Variants in BORCS5 observed in about 807,000 individuals in gnomAD.
BORCS5 encodes the protein BLOC-1-related complex subunit 5.
BORCS5 carries 17 observed loss-of-function variants against 22.1 expected under a neutral mutation model. The observed-to-expected ratio is 0.77, with a 90% CI of 0.53 to 1.15. BORCS5 has a LOEUF of 1.15. BORCS5 is among the 50% of genes most tolerant of loss of function. The pLI is 0.00. For synonymous variants in BORCS5, 117 were observed against 99.8 expected (o/e 1.17, Z -1.03); for missense variants, 247 against 253.2 (o/e 0.98, Z 0.17).
At chr12:12,461,161 C>CTTT (rs35299390) in intron 3 of BORCS5, among the ~76,000 whole-genome samples, 6 of 134,198 alleles carry the variant, frequency 4.5e-5, no homozygotes, top group African/African-American at 1.4e-4. Context: ...TTATTGCATT[C>CTTT]TTTTTTTTTT....
At chr12:12,375,601 A>G (rs1349093935) in intron 2 of BORCS5, among the ~76,000 whole-genome samples, 1 of 152,170 alleles carries the variant, frequency 6.6e-6, no homozygotes, top group Non-Finnish European at 1.5e-5. Flanking sequence ...CATGGGCAAC[A>G]GAGTGAGACC....
chr12:12,431,724 A>G lies in BORCS5; in HGVS notation c.203-3904A>G, dbSNP rs547640168. 7.6e-3 allele frequency among the ~76,000 whole-genome samples: 443 copies of G among 58,078 alleles called. 1 individual carries two copies. The highest frequency in any genetic ancestry group is 0.045 in the African/African-American group (420 of 9,358). 38.1% of individuals were successfully genotyped at this position (58,078 alleles called of 152,430 possible). A position where few individuals can be genotyped will look rare whatever the true frequency, so the allele number is the denominator to read the frequency against. On this transcript the variant is annotated intron_variant, in intron 2 of 3. Transcript: ENST00000314565. ...CCTTTTGCTAGTTTTTAATTTGCCA[A>G]TTTCTTTTCTTGTTTTTTTAGAGAT...
At chr12:12,463,480 G>C (rs1943147895) in intron 3 of BORCS5, among the ~76,000 whole-genome samples, 1 of 152,214 alleles carries the variant, frequency 6.6e-6, no homozygotes, top group Non-Finnish European at 1.5e-5. Flanking sequence ...CAGGAAATAT[G>C]TGTAAAAGAG....
intron 2 of BORCS5, among the ~76,000 whole-genome samples, chr12:12,427,760 C>T (rs1239674712): frequency 1.3e-5 from 2 of 152,188 alleles, no homozygotes; most frequent in Non-Finnish European, 2.9e-5. Flanking sequence ...CGAGGACCTG[C>T]TCCCTGGTTT....
At chr12:12,369,283 ATTC>A (rs1175263290) in intron 2 of BORCS5, among the ~76,000 whole-genome samples, 1 of 152,040 alleles carries the variant, frequency 6.6e-6, no homozygotes, top group African/African-American at 2.4e-5. Context: ...ACCTTTTACT[ATTC>A]TTTACTTATT....
chr12:12,462,236 T>G (rs541771063), intron 3 of BORCS5, among the ~76,000 whole-genome samples: 27 of 152,362 alleles, frequency 1.8e-4, no homozygotes, highest in African/African-American at 6.5e-4. Context: ...AGAATCTCAT[T>G]TAATCCTCAG....
chr12:12,401,499 C>T (rs1941474132), intron 2 of BORCS5, among the ~76,000 whole-genome samples: 1 of 151,700 alleles, frequency 6.6e-6, no homozygotes, highest in South Asian at 2.1e-4. Context: ...AGCTTTTTTG[C>T]CATATTTATT....
chr12:12,406,708 T>A (rs762968767), intron 2 of BORCS5, among the ~76,000 whole-genome samples: 2 of 151,998 alleles, frequency 1.3e-5, no homozygotes, highest in Non-Finnish European at 2.9e-5. Flanking sequence ...TAACCTCCCC[T>A]CTTTTATAAT....
Position 12,407,684 on chromosome 12 carries a change from G to A in BORCS5, c.203-27944G>A, listed in dbSNP as rs1002447651. Among the ~76,000 whole-genome samples the A allele has an allele frequency of 7.4e-5, 11 of 149,120 alleles. 1 individual carries two copies. Among genetic ancestry groups the A allele is most frequent in the South Asian group, 4.2e-4 (2 of 4,730 alleles). On this transcript the variant is annotated intron_variant, in intron 2 of 3. Coordinates refer to ENST00000314565, the MANE Select transcript of BORCS5 (RefSeq NM_058169.6). The stretch of plus-strand genomic sequence containing the variant: ...AAACATTATTATTCTACTTATTTTC[G>A]CCATGAATTTTACTATTCTTTTTGT...
chr12:12,399,501 T>G (rs909532563), intron 2 of BORCS5, among the ~76,000 whole-genome samples: 10 of 152,010 alleles, frequency 6.6e-5, no homozygotes, highest in African/African-American at 2.4e-4. Flanking sequence ...ATAAAAGATT[T>G]GGATTGGAAT....
chr12:12,403,032 C>G (rs1368051418), intron 2 of BORCS5, among the ~76,000 whole-genome samples: 1 of 151,938 alleles, frequency 6.6e-6, no homozygotes, highest in African/African-American at 2.4e-5. Flanking sequence ...TATACACAGT[C>G]CCACTTTTTC....
chr12:12,357,207 G>C lies in BORCS5; in HGVS notation c.-245G>C. On this transcript the variant is annotated 5_prime_UTR_variant, in exon 1 of 4. Coordinates refer to ENST00000314565, the MANE Select transcript of BORCS5 (RefSeq NM_058169.6). Reference sequence around the variant, plus strand: ...CTCTTAGGGCTCCCGGAAAGAAGGAGGGCTAGCCGCGTGCGTTCGCGCCGC... The same window carrying C: ...CTCTTAGGGCTCCCGGAAAGAAGGACGGCTAGCCGCGTGCGTTCGCGCCGC... The C allele has an allele frequency of 6.7e-7, 1 of 1,490,998 alleles. No individual in the cohort carries two copies. The highest frequency in any genetic ancestry group is 1.4e-5 in the African/African-American group (1 of 71,356). The allele number at this position is 1,490,998 out of a possible 1,614,324, so 92.4% of individuals were successfully genotyped here.
intron 2 of BORCS5, among the ~76,000 whole-genome samples, chr12:12,367,488 G>T (rs1863429485): frequency 1.3e-5 from 2 of 152,176 alleles, no homozygotes. Flanking sequence ...ACTTATTCCT[G>T]ATTACTTTAT....
chr12:12,440,879 C>A (rs56131905), intron 3 of BORCS5, among the ~76,000 whole-genome samples: 4,231 of 152,250 alleles, frequency 0.028, 88 homozygotes, highest in Non-Finnish European at 0.044. Flanking sequence ...GCACTTCGCC[C>A]AGGTCACACA....
chr12:12,382,357 G>A (rs1245775008), intron 2 of BORCS5, among the ~76,000 whole-genome samples: 3 of 150,786 alleles, frequency 2.0e-5, no homozygotes, highest in Non-Finnish European at 1.5e-5. Context: ...AGACTTGCTC[G>A]GTACTACAGG....
chr12:12,411,670 C>T (rs56089442), intron 2 of BORCS5, among the ~76,000 whole-genome samples: 42,295 of 151,996 alleles, frequency 0.28, 6,515 homozygotes, highest in African/African-American at 0.43. Context: ...ATACTTAAAA[C>T]ATTGTTGCCC....
intron 2 of BORCS5, among the ~76,000 whole-genome samples, chr12:12,430,663 TA>T: frequency 6.6e-6 from 1 of 152,266 alleles, no homozygotes; most frequent in Non-Finnish European, 1.5e-5. Flanking sequence ...TTCATTTGGT[TA>T]AAAAAAGTTC....
rs532986241 is a variant in BORCS5 at position 12,470,347 on chromosome 12, C to T, written c.*4571C>T. Among the ~76,000 whole-genome samples the T allele has an allele frequency of 2.4e-4, 37 of 152,274 alleles. No homozygotes were observed. Among genetic ancestry groups the T allele is most frequent in the Non-Finnish European group, 4.1e-4 (28 of 68,018 alleles). ...CCTCCCAAAGTACTGGGATTACAGG[C>T]GTGAGCCACTGCACCTGGCCAGCTT... On this transcript the variant is annotated 3_prime_UTR_variant, in exon 4 of 4. Transcript: ENST00000314565.
intron 3 of BORCS5, among the ~76,000 whole-genome samples, chr12:12,461,487 CAG>C (rs1943104078): frequency 2.6e-5 from 4 of 152,108 alleles, no homozygotes; most frequent in African/African-American, 9.6e-5. Flanking sequence ...TCCTATCTGT[CAG>C]TATAAGATTA....
Sources: allele counts gnomAD v4.1 joint callset (sites outside exome capture counted in the v4.1 genomes callset), GRCh38; gene constraint gnomAD v4.1.1; transcripts MANE v1.5; gene names NCBI Gene and HGNC (gene_info 2026-07-23, HGNC 2026-07-21).